NPAS3: variants seen among roughly 807,000 people sequenced by gnomAD.
NPAS3 encodes neuronal PAS domain-containing protein 3.
NPAS3 carries 14 observed loss-of-function variants against 73.1 expected under a neutral mutation model. The observed-to-expected ratio is 0.19, with a 90% CI of 0.13 to 0.30. The LOEUF (loss-of-function observed/expected upper bound fraction) is 0.30. Among genes scored for constraint, NPAS3 ranks in the 10% least tolerant of loss-of-function variants. The probability of loss-of-function intolerance (pLI) is 1.00; values close to 1 mark genes in which losing one functional copy is unlikely to be tolerated. For synonymous variants in NPAS3, 620 were observed against 541.5 expected (o/e 1.14, Z -2.01); for missense variants, 1,096 against 1,250.0 (o/e 0.88, Z 1.86).
At chr14:33,736,182 C>A (rs1159391727) in intron 7 of NPAS3, among the ~76,000 whole-genome samples, 1 of 152,222 alleles carries the variant, frequency 6.6e-6, no homozygotes, top group African/African-American at 2.4e-5. Flanking sequence ...TTTAGAACTT[C>A]TGATAGTTCA....
intron 4 of NPAS3, among the ~76,000 whole-genome samples, chr14:33,547,806 T>A (rs1430981926): frequency 6.6e-6 from 1 of 152,182 alleles, no homozygotes; most frequent in African/African-American, 2.4e-5. Context: ...TCAGGGAGGT[T>A]GCTATTTACT....
intron 5 of NPAS3, chr14:33,612,493 A>G (rs761812127): frequency 2.2e-6 from 1 of 456,072 alleles, no homozygotes; most frequent in Middle Eastern, 3.3e-4. Context: ...GTCACTTTTT[A>G]AAATTAATCA....
chr14:33,219,825 C>A (rs2047357641), intron 3 of NPAS3, among the ~76,000 whole-genome samples: 1 of 152,142 alleles, frequency 6.6e-6, no homozygotes, highest in African/African-American at 2.4e-5. Flanking sequence ...AATTAGATAG[C>A]ATTTTATAAA....
At position 33,515,341 on chromosome 14, in the gene NPAS3, C is replaced by A. The variant is rs1430693796; in HGVS notation, c.469-44780C>A. On this transcript the variant is annotated intron_variant, in intron 4 of 11. Coordinates refer to ENST00000356141, the Ensembl canonical transcript of NPAS3. Reference sequence around the variant, plus strand: ...TATTTTGAATGGGCATATTTACATTCATAAATATATATGCATGTATATATA... The same window carrying A: ...TATTTTGAATGGGCATATTTACATTAATAAATATATATGCATGTATATATA... 3.3e-5 allele frequency among the ~76,000 whole-genome samples: 5 copies of A among 152,028 alleles called. No homozygotes were observed. In the South Asian group the frequency reaches 1.0e-3, roughly 31 times the overall value.
chr14:33,091,305 G>T (rs1320001473), intron 2 of NPAS3, among the ~76,000 whole-genome samples: 1 of 152,016 alleles, frequency 6.6e-6, no homozygotes, highest in Non-Finnish European at 1.5e-5. Flanking sequence ...TGATAAAGGG[G>T]ATATCACCAC....
intron 3 of NPAS3, among the ~76,000 whole-genome samples, chr14:33,350,568 C>T (rs1030272098): frequency 1.3e-5 from 2 of 152,202 alleles, no homozygotes; most frequent in African/African-American, 4.8e-5. Context: ...AGGGATCACG[C>T]CTCTAAGAAC....
intron 6 of NPAS3, among the ~76,000 whole-genome samples, chr14:33,700,389 A>G (rs1370006359): frequency 1.3e-5 from 2 of 152,250 alleles, no homozygotes; most frequent in Non-Finnish European, 2.9e-5. Context: ...TGGGGAGCGA[A>G]AATATGCAAA....
chr14:33,595,105 T>TTGAGG (rs2057195983), intron 5 of NPAS3, among the ~76,000 whole-genome samples: 1 of 152,222 alleles, frequency 6.6e-6, no homozygotes, highest in Non-Finnish European at 1.5e-5. Flanking sequence ...TCCTCAAAGC[T>TTGAGG]AAATTTCTCT....
chr14:33,380,343 T>G (rs78775090), intron 4 of NPAS3, among the ~76,000 whole-genome samples: 1 of 152,048 alleles, frequency 6.6e-6, no homozygotes, highest in Non-Finnish European at 1.5e-5. Flanking sequence ...GTAGGGATCC[T>G]GCTTGGGGGA....
intron 2 of NPAS3, among the ~76,000 whole-genome samples, chr14:33,177,814 T>A (rs1056020931): frequency 6.6e-5 from 10 of 152,204 alleles, no homozygotes; most frequent in Non-Finnish European, 1.5e-4. Flanking sequence ...TGACCATAGA[T>A]GTATGGGTTT....
At chr14:33,058,367 A>T (rs370553286) in intron 2 of NPAS3, among the ~76,000 whole-genome samples, 1 of 152,238 alleles carries the variant, frequency 6.6e-6, no homozygotes, top group Non-Finnish European at 1.5e-5. Flanking sequence ...GTGTCAAACC[A>T]TAAATTTCCT....
At chr14:33,508,601 G>A (rs145440783) in intron 4 of NPAS3, among the ~76,000 whole-genome samples, 10 of 152,118 alleles carry the variant, frequency 6.6e-5, no homozygotes, top group Admixed American at 2.0e-4. Context: ...TCACACAAAC[G>A]CCTGGTTGGC....
chr14:33,108,499 G>A (rs941660321), intron 2 of NPAS3, among the ~76,000 whole-genome samples: 12 of 152,056 alleles, frequency 7.9e-5, no homozygotes, highest in African/African-American at 2.7e-4. Flanking sequence ...TTTTAGGCAA[G>A]CATTATGACT....
chr14:33,710,161 G>T (rs10498318), intron 6 of NPAS3, among the ~76,000 whole-genome samples: 67,168 of 152,054 alleles, frequency 0.44, 15,388 homozygotes, highest in Non-Finnish European at 0.5. Context: ...GCGACTTGAT[G>T]TAACAACTTT....
At chr14:33,574,688 A>C (rs920950421) in intron 5 of NPAS3, among the ~76,000 whole-genome samples, 3 of 152,152 alleles carry the variant, frequency 2.0e-5, no homozygotes, top group Non-Finnish European at 4.4e-5. Flanking sequence ...GCTGGGGTGT[A>C]TAGAAAGATA....
At chr14:33,301,264 A>G (rs530717559) in intron 3 of NPAS3, among the ~76,000 whole-genome samples, 1 of 144,290 alleles carries the variant, frequency 6.9e-6, no homozygotes, top group East Asian at 2.0e-4. Context: ...CACAGTTTGC[A>G]TATCATTCAG....
In NPAS3 at chr14:32,959,257, C is replaced by G. The variant is rs372211092; in HGVS notation, c.50+19891C>G. Among the ~76,000 whole-genome samples the G allele has an allele frequency of 3.2e-4, 49 of 152,282 alleles. No individual in the cohort carries two copies. The East Asian group carries it at 4.6e-3, about 14-fold the overall frequency. ...TTGCTCTGAAACCTTTGCTTTGCTTCTTTTGCCCCAGAAACCACAAAACCT... is the reference window on the plus strand; with the variant it reads ...TTGCTCTGAAACCTTTGCTTTGCTTGTTTTGCCCCAGAAACCACAAAACCT... On this transcript the variant is annotated intron_variant, in intron 1 of 11. Coordinates refer to ENST00000356141, the Ensembl canonical transcript of NPAS3.
At chr14:33,590,082 C>G (rs899197435) in intron 5 of NPAS3, among the ~76,000 whole-genome samples, 2 of 152,080 alleles carry the variant, frequency 1.3e-5, no homozygotes, top group African/African-American at 4.8e-5. Context: ...TTTGAGATGT[C>G]TCTGGAAAAA....
rs2054271613 is a variant in NPAS3, at chr14:33,536,589, C to CTAAACCACCAAGGA, written c.469-23527_469-23514dup. 2.0e-5 allele frequency among the ~76,000 whole-genome samples: 3 copies of CTAAACCACCAAGGA among 152,024 alleles called. No homozygotes were observed. The South Asian group carries it at 6.2e-4, about 32-fold the overall frequency. ...ATCAGCACTAATGGGAGATTCAAGG[C>CTAAACCACCAAGGA]TAAACCACCAAGGATAAAAGCTAGA... On this transcript the variant is annotated intron_variant, in intron 4 of 11. Coordinates refer to ENST00000356141, the Ensembl canonical transcript of NPAS3.
Sources: allele counts gnomAD v4.1 joint callset (sites outside exome capture counted in the v4.1 genomes callset), GRCh38; gene constraint gnomAD v4.1.1; transcripts MANE v1.5; gene names NCBI Gene and HGNC (gene_info 2026-07-23, HGNC 2026-07-21).